The following SLC24A2 variants were observed in gnomAD, a reference collection of about 807,000 sequenced individuals.
The protein encoded by SLC24A2 is solute carrier family 24 member 2.
Under a neutral mutation model 62.0 loss-of-function variants are expected in SLC24A2, and 36 were observed. The observed-to-expected ratio is 0.58, with a 90% confidence interval of 0.44 to 0.77. The LOEUF is 0.77. Among genes scored for constraint, SLC24A2 ranks in the 30% least tolerant of loss-of-function variants. The pLI is 0.00. For missense variants in SLC24A2, 846 were observed against 817.9 expected, an observed-to-expected ratio of 1.03 and a Z score of -0.42; for synonymous variants, 358 against 294.0, an observed-to-expected ratio of 1.22 and a Z score of -2.23.
chr9:20,194,555 A>C, the SLC24A2 span, among the ~76,000 whole-genome samples: 1 of 152,190 alleles, frequency 6.6e-6, no homozygotes, highest in Non-Finnish European at 1.5e-5. Flanking sequence ...TTGAAGGTTT[A>C]GAATGTGAAA....
chr9:20,042,057 C>T, the SLC24A2 span, among the ~76,000 whole-genome samples: 5 of 152,314 alleles, frequency 3.3e-5, no homozygotes, highest in East Asian at 3.9e-4. Flanking sequence ...GGGACATTTG[C>T]CTGGTACTTC....
intron 2 of SLC24A2, among the ~76,000 whole-genome samples, chr9:19,733,003 G>C (rs572533708): frequency 4.6e-5 from 7 of 152,070 alleles, no homozygotes; most frequent in African/African-American, 1.7e-4. Context: ...ACCATTTCAG[G>C]CCCAATTGCT....
At chr9:19,577,264 G>A (rs1836047276) in intron 5 of SLC24A2, among the ~76,000 whole-genome samples, 1 of 152,060 alleles carries the variant, frequency 6.6e-6, no homozygotes, top group South Asian at 2.1e-4. Context: ...ATTAACAAAA[G>A]CACCAAGCAA....
At chr9:19,898,359 G>C in the SLC24A2 span, among the ~76,000 whole-genome samples, 342 of 152,288 alleles carry the variant, frequency 2.2e-3, 1 homozygote, top group African/African-American at 7.9e-3. Flanking sequence ...GTTGACTTTG[G>C]CTGCTTCATC....
At chr9:19,685,143 A>G (rs976331567) in intron 2 of SLC24A2, among the ~76,000 whole-genome samples, 1 of 152,132 alleles carries the variant, frequency 6.6e-6, no homozygotes, top group African/African-American at 2.4e-5. Flanking sequence ...CAAATCAACA[A>G]CACAATCCCA....
the SLC24A2 span, among the ~76,000 whole-genome samples, chr9:19,887,958 T>G: frequency 2.0e-5 from 3 of 152,118 alleles, no homozygotes; most frequent in African/African-American, 7.2e-5. Context: ...GGTATGAGGA[T>G]GCAAATGGAC....
intron 2 of SLC24A2, among the ~76,000 whole-genome samples, chr9:19,682,992 T>C (rs1451439165): frequency 2.0e-5 from 3 of 151,930 alleles, no homozygotes; most frequent in African/African-American, 2.4e-5. Context: ...GAGTAAAAAA[T>C]ACACATTATG....
the SLC24A2 span, among the ~76,000 whole-genome samples, chr9:19,856,682 C>T: frequency 3.3e-5 from 5 of 152,124 alleles, no homozygotes; most frequent in Admixed American, 2.6e-4. Context: ...AGCTCTGTCC[C>T]AGAGGGGCAC....
chr9:20,264,839 G>A, the SLC24A2 span, among the ~76,000 whole-genome samples: 2 of 152,234 alleles, frequency 1.3e-5, no homozygotes, highest in Non-Finnish European at 2.9e-5. Context: ...GTAAAACATA[G>A]AAGGTGGTAT....
the SLC24A2 span, among the ~76,000 whole-genome samples, chr9:19,882,225 G>A: frequency 6.7e-6 from 1 of 148,860 alleles, no homozygotes; most frequent in East Asian, 1.9e-4. Context: ...GAGATAAAGT[G>A]CCCACCTCAC....
At chr9:19,531,691 G>C (rs1019599182) in intron 8 of SLC24A2, among the ~76,000 whole-genome samples, 4 of 145,608 alleles carry the variant, frequency 2.7e-5, no homozygotes, top group Non-Finnish European at 6.0e-5. Context: ...ATTTAACAAA[G>C]ACCCCCCCCC....
At chr9:19,559,312 T>C (rs1323050880) in intron 7 of SLC24A2, among the ~76,000 whole-genome samples, 2 of 152,222 alleles carry the variant, frequency 1.3e-5, no homozygotes, top group East Asian at 3.8e-4. Flanking sequence ...ACCCAATATT[T>C]ATCAAGCATT....
At chr9:19,741,293 C>T (rs1019029295) in intron 2 of SLC24A2, among the ~76,000 whole-genome samples, 1 of 152,126 alleles carries the variant, frequency 6.6e-6, no homozygotes, top group Admixed American at 6.6e-5. Context: ...AAAAGGGGAG[C>T]TAGAGGGAAG....
chr9:19,990,993 T>C, the SLC24A2 span, among the ~76,000 whole-genome samples: 1 of 143,102 alleles, frequency 7.0e-6, no homozygotes, highest in African/African-American at 2.7e-5. Context: ...ATGTATTATA[T>C]ATGTGTGTAT....
chr9:20,018,538 A>AG, the SLC24A2 span, among the ~76,000 whole-genome samples: 156 of 151,422 alleles, frequency 1.0e-3, no homozygotes, highest in Non-Finnish European at 1.9e-3. Context: ...CTTTTCCTCC[A>AG]TTTTCTCCTT....
the SLC24A2 span, among the ~76,000 whole-genome samples, chr9:20,272,090 A>T: frequency 6.6e-6 from 1 of 152,242 alleles, no homozygotes; most frequent in Non-Finnish European, 1.5e-5. Flanking sequence ...AGTCCTAAAT[A>T]ATTGTCCTGC....
the SLC24A2 span, among the ~76,000 whole-genome samples, chr9:20,265,122 T>A: frequency 6.6e-6 from 1 of 152,310 alleles, no homozygotes; most frequent in East Asian, 1.9e-4. Context: ...GAGATCCATA[T>A]CAATGGCTGC....
At chr9:19,969,183 C>CCCCACACACACACACA in the SLC24A2 span, among the ~76,000 whole-genome samples, 2 of 122,182 alleles carry the variant, frequency 1.6e-5, no homozygotes, top group Admixed American at 8.7e-5. Flanking sequence ...ACCTCCTTTG[C>CCCCACACACACACACA]CACACACACA....
the SLC24A2 span, among the ~76,000 whole-genome samples, chr9:20,097,720 ATTTTTTTTTTTTTTTTTTTTTTTTT>A: frequency 4.3e-5 from 3 of 69,052 alleles, no homozygotes; most frequent in Non-Finnish European, 8.2e-5. Flanking sequence ...ATCTTAAATA[ATTTTTTTTTTTTTTTTTTTTTTTTT>A]TTTTTTTTTT....
Sources: allele counts gnomAD v4.1 joint callset (sites outside exome capture counted in the v4.1 genomes callset), GRCh38; gene constraint gnomAD v4.1.1; transcripts MANE v1.5; gene names NCBI Gene and HGNC (gene_info 2026-07-23, HGNC 2026-07-21).